GALNT14: variants seen among roughly 807,000 people sequenced by gnomAD.
The protein encoded by GALNT14 is UDP-GalNAc:polypeptide N-acetylgalactosaminyltransferase 14.
A neutral mutation model predicts 77.5 loss-of-function variants in GALNT14; 60 were observed. That is an observed-to-expected ratio of 0.77 (90% CI 0.63 to 0.96). The LOEUF (loss-of-function observed/expected upper bound fraction) is 0.96, where lower values mean the gene tolerates loss of function less well. Among genes scored for constraint, GALNT14 ranks in the 40% least tolerant of loss-of-function variants. The pLI is 0.00. For synonymous variants in GALNT14, 280 were observed against 281.7 expected (o/e 0.99, Z 0.06); for missense variants, 710 against 731.0 (o/e 0.97, Z 0.33).
chr2:31,008,534 C>G (rs1350938581), intron 1 of GALNT14, among the ~76,000 whole-genome samples: 1 of 152,148 alleles, frequency 6.6e-6, no homozygotes, highest in African/African-American at 2.4e-5. Flanking sequence ...TCCCCCCAGC[C>G]TTGCTGTCTC....
intron 1 of GALNT14, among the ~76,000 whole-genome samples, chr2:31,086,630 C>T (rs1442443954): frequency 1.3e-5 from 2 of 151,912 alleles, no homozygotes; most frequent in African/African-American, 4.8e-5. Context: ...GATGAAGAGG[C>T]CCTGTGAACT....
At chr2:30,892,209 C>T in the GALNT14 span, among the ~76,000 whole-genome samples, 28 of 151,950 alleles carry the variant, frequency 1.8e-4, no homozygotes, top group Admixed American at 1.8e-3. Context: ...TGAAAGAGAA[C>T]AAAGCAAAGA....
At chr2:30,915,147 G>T (rs564561008) in intron 13 of GALNT14, among the ~76,000 whole-genome samples, 1 of 133,336 alleles carries the variant, frequency 7.5e-6, no homozygotes. Context: ...TCTTTTGAGA[G>T]CCCACTTTGG....
At chr2:30,993,575 C>T (rs1669844884) in intron 1 of GALNT14, among the ~76,000 whole-genome samples, 2 of 152,218 alleles carry the variant, frequency 1.3e-5, no homozygotes, top group African/African-American at 4.8e-5. Flanking sequence ...CTACTCACCA[C>T]CACCCTATCT....
Position 30,910,789 on chromosome 2 carries a change from TC to T in GALNT14, c.*111del. ...TGTCCTGGGGGGCTCTGCCTCCACC[TC>T]CCAGTCCAGGATGTCTGAGGTGGTT... On this transcript the variant is annotated 3_prime_UTR_variant, in exon 15 of 15. Transcript: ENST00000349752. 1.7e-6 allele frequency: 2 copies of T among 1,207,314 alleles called. No individual in the cohort carries two copies. The highest frequency in any genetic ancestry group is 1.2e-6 in the Non-Finnish European group (1 of 862,376). The allele number at this position is 1,207,314 out of a possible 1,614,324, so 74.8% of individuals were successfully genotyped here.
intron 1 of GALNT14, among the ~76,000 whole-genome samples, chr2:31,014,676 C>T (rs989691387): frequency 3.3e-5 from 5 of 152,160 alleles, no homozygotes; most frequent in African/African-American, 1.2e-4. Context: ...ATCTGCCACC[C>T]ACTAGCAGTG....
At chr2:31,042,219 TC>T (rs1392378696) in intron 1 of GALNT14, among the ~76,000 whole-genome samples, 2 of 152,172 alleles carry the variant, frequency 1.3e-5, no homozygotes, top group African/African-American at 4.8e-5. Flanking sequence ...AATAGTTAGC[TC>T]CCCTGGTGAA....
intron 1 of GALNT14, among the ~76,000 whole-genome samples, chr2:31,076,675 AACTC>A (rs1242205642): frequency 6.6e-6 from 1 of 151,444 alleles, no homozygotes; most frequent in African/African-American, 2.4e-5. Context: ...GGCCTCAAGA[AACTC>A]AATCCATTTG....
intron 9 of GALNT14, among the ~76,000 whole-genome samples, chr2:30,934,547 C>G (rs1388773419): frequency 6.6e-6 from 1 of 152,132 alleles, no homozygotes; most frequent in East Asian, 1.9e-4. Flanking sequence ...GGGCCTCTAC[C>G]CCATGCCCCA....
At chr2:30,950,365 G>A (rs1666955244) in intron 6 of GALNT14, among the ~76,000 whole-genome samples, 1 of 152,144 alleles carries the variant, frequency 6.6e-6, no homozygotes, top group Non-Finnish European at 1.5e-5. Flanking sequence ...GGTTTTCAAT[G>A]TGGAAAACAC....
intron 3 of GALNT14, among the ~76,000 whole-genome samples, chr2:30,960,893 C>G (rs2148330670): frequency 6.6e-6 from 1 of 152,370 alleles, no homozygotes; most frequent in East Asian, 1.9e-4. Flanking sequence ...CCACACCCTT[C>G]CTTTGCCTCA....
At chr2:30,954,278 G>C (rs1340618029) in intron 6 of GALNT14, among the ~76,000 whole-genome samples, 1 of 152,234 alleles carries the variant, frequency 6.6e-6, no homozygotes, top group Admixed American at 6.5e-5. Flanking sequence ...TTCAGTGCCA[G>C]GAGAGGCCCT....
At chr2:31,102,419 A>AT (rs1284842047) in intron 1 of GALNT14, among the ~76,000 whole-genome samples, 1 of 151,832 alleles carries the variant, frequency 6.6e-6, no homozygotes, top group Admixed American at 6.6e-5. Flanking sequence ...TGCATTGAGT[A>AT]TTTTTTGTTT....
chr2:30,900,724 C>A, the GALNT14 span, among the ~76,000 whole-genome samples: 1 of 152,082 alleles, frequency 6.6e-6, no homozygotes, highest in Admixed American at 6.5e-5. Flanking sequence ...GGAGAAATTC[C>A]AGATTCTAAA....
chr2:31,110,806 A>G (rs1003820722), intron 1 of GALNT14, among the ~76,000 whole-genome samples: 1 of 152,166 alleles, frequency 6.6e-6, no homozygotes. Flanking sequence ...ACTCTGTGAC[A>G]CGTATTATCA....
the GALNT14 span, among the ~76,000 whole-genome samples, chr2:30,886,869 C>A: frequency 6.6e-6 from 1 of 152,190 alleles, no homozygotes; most frequent in Non-Finnish European, 1.5e-5. Context: ...ATTTTCATCA[C>A]CCCCAGAGAA....
At chr2:30,974,907 G>A (rs1668549520) in intron 2 of GALNT14, among the ~76,000 whole-genome samples, 1 of 152,206 alleles carries the variant, frequency 6.6e-6, no homozygotes, top group East Asian at 1.9e-4. Flanking sequence ...AGTGAAGGTG[G>A]GAGGCAGGTG....
chr2:31,040,756 C>T (rs1049746658), intron 1 of GALNT14, among the ~76,000 whole-genome samples: 2 of 152,196 alleles, frequency 1.3e-5, no homozygotes, highest in African/African-American at 4.8e-5. Context: ...AATTTCCTGC[C>T]AGCCCTGCAG....
chr2:30,897,617 G>A, the GALNT14 span, among the ~76,000 whole-genome samples: 2 of 152,196 alleles, frequency 1.3e-5, no homozygotes, highest in Non-Finnish European at 2.9e-5. Context: ...CCGCCTCCAG[G>A]TCCTTTTGTG....
Sources: gnomAD v4.1 joint callset for allele counts (sites outside exome capture counted in the v4.1 genomes callset) on GRCh38, gnomAD v4.1.1 for gene constraint, MANE v1.5 for transcripts, NCBI Gene and HGNC (gene_info 2026-07-23, HGNC 2026-07-21) for gene names.